ZNF385D: variants seen among roughly 807,000 people sequenced by gnomAD.
ZNF385D encodes zinc finger protein 659.
In ZNF385D, 15 loss-of-function variants were observed where a neutral mutation model predicts 35.8. The observed-to-expected ratio is 0.42, with a 90% confidence interval of 0.28 to 0.64. ZNF385D has a LOEUF of 0.64. ZNF385D is among the 30% of genes least tolerant of loss of function. The pLI, the probability that ZNF385D is intolerant of heterozygous loss-of-function variation, is 0.23. For synonymous variants in ZNF385D, 212 were observed against 186.8 expected, an observed-to-expected ratio of 1.13 and a Z score of -1.10; for missense variants, 474 against 494.6, an observed-to-expected ratio of 0.96 and a Z score of 0.39.
chr3:22,240,697 C>G (rs1251082770), intron 2 of ZNF385D, among the ~76,000 whole-genome samples: 1 of 150,974 alleles, frequency 6.6e-6, no homozygotes, highest in Non-Finnish European at 1.5e-5. Context: ...ACATCCTTGT[C>G]AGGCAAAGGA....
chr3:21,644,717 T>G (rs565927489), intron 2 of ZNF385D, among the ~76,000 whole-genome samples: 1 of 152,238 alleles, frequency 6.6e-6, no homozygotes, highest in African/African-American at 2.4e-5. Context: ...ATAATAGACA[T>G]TAAGTTCGGT....
At chr3:22,340,710 T>C (rs955573036) in intron 2 of ZNF385D, among the ~76,000 whole-genome samples, 1 of 152,126 alleles carries the variant, frequency 6.6e-6, no homozygotes, top group Non-Finnish European at 1.5e-5. Context: ...TACAAGTACA[T>C]GATAGGACCC....
At chr3:22,119,429 T>A (rs1181462641) in intron 3 of ZNF385D, among the ~76,000 whole-genome samples, 2 of 152,140 alleles carry the variant, frequency 1.3e-5, no homozygotes, top group Non-Finnish European at 2.9e-5. Flanking sequence ...TAGACATAAT[T>A]TGTTGGGGGG....
chr3:21,453,276 T>G (rs185705780), intron 4 of ZNF385D, among the ~76,000 whole-genome samples: 2 of 151,942 alleles, frequency 1.3e-5, no homozygotes, highest in Non-Finnish European at 2.9e-5. Flanking sequence ...TAGAAAGAAC[T>G]ATAGGAATAA....
rs192980657 is a variant in ZNF385D, at chr3:21,757,668, A to G, written c.326-92640T>C. On this transcript the variant is annotated intron_variant, in intron 3 of 5. Coordinates refer to the ZNF385D transcript ENST00000494108. ...TGAAATTACAGACACCTCTGTATAC[A>G]TGGAGCTTACATTCTAGAATTCTTT... Among the ~76,000 whole-genome samples, 402 of 152,334 alleles carry G rather than the reference A, an allele frequency of 2.6e-3. 4 individuals carry two copies. The South Asian group carries it at 0.032, about 12-fold the overall frequency.
At chr3:21,606,937 C>T (rs900552485) in intron 2 of ZNF385D, among the ~76,000 whole-genome samples, 1 of 152,174 alleles carries the variant, frequency 6.6e-6, no homozygotes, top group Non-Finnish European at 1.5e-5. Context: ...TGTTTGGGGG[C>T]AGTGGGATAT....
intron 2 of ZNF385D, among the ~76,000 whole-genome samples, chr3:22,256,917 T>G (rs1200791419): frequency 6.6e-6 from 1 of 151,844 alleles, no homozygotes; most frequent in East Asian, 1.9e-4. Flanking sequence ...AGTTAAATAA[T>G]TAGTTCATAA....
At chr3:21,751,735 T>C (rs2070098068), upstream of ZNF385D, among the ~76,000 whole-genome samples, 1 of 152,040 alleles carries the variant, frequency 6.6e-6, no homozygotes, top group Non-Finnish European at 1.5e-5. Flanking sequence ...AGCTAGTACT[T>C]GGTGAAGTGT....
intron 3 of ZNF385D, among the ~76,000 whole-genome samples, chr3:21,992,125 T>A (rs903574379): frequency 3.3e-5 from 5 of 152,184 alleles, no homozygotes; most frequent in Admixed American, 3.3e-4. Context: ...ATCAGTACAT[T>A]ATATTGTTAT....
chr3:22,004,505 T>C (rs1386296023), intron 3 of ZNF385D, among the ~76,000 whole-genome samples: 3 of 152,200 alleles, frequency 2.0e-5, no homozygotes, highest in African/African-American at 4.8e-5. Context: ...ACCTGTGGAA[T>C]AGGAGAAAGT....
At chr3:22,324,114 A>C (rs1694567921) in intron 2 of ZNF385D, among the ~76,000 whole-genome samples, 2 of 152,188 alleles carry the variant, frequency 1.3e-5, no homozygotes, top group Non-Finnish European at 2.9e-5. Flanking sequence ...CGGGGAAAGG[A>C]ATAGATGGAT....
intron 3 of ZNF385D, among the ~76,000 whole-genome samples, chr3:22,151,965 G>A (rs945807122): frequency 3.3e-5 from 5 of 152,120 alleles, no homozygotes; most frequent in African/African-American, 4.8e-5. Flanking sequence ...ACTAAGCCTA[G>A]TACTCAGTAG....
chr3:21,951,723 C>A (rs1425466350), intron 3 of ZNF385D, among the ~76,000 whole-genome samples: 1 of 151,558 alleles, frequency 6.6e-6, no homozygotes, highest in African/African-American at 2.4e-5. Context: ...CCTACTTTTA[C>A]TATACATACT....
rs113101913 is a variant in ZNF385D at position 21,420,788 on chromosome 3, CT to C, written c.*425del. 1.8e-4 allele frequency: 28 copies of C among 156,194 alleles called. No homozygotes were observed. The highest frequency in any genetic ancestry group is 3.8e-4 in the East Asian group (2 of 5,248). 9.7% of individuals were successfully genotyped at this position (156,194 alleles called of 1,614,324 possible). ...TGTTGCTTTTGTTTTTGTTTTTTTC[CT>C]TTTTTTTTGTACGATTTTAATCTAC... On this transcript the variant is annotated 3_prime_UTR_variant, in exon 8 of 8. Transcript: ENST00000281523.
chr3:22,037,304 T>C (rs1698387406), intron 3 of ZNF385D, among the ~76,000 whole-genome samples: 1 of 144,394 alleles, frequency 6.9e-6, no homozygotes, highest in Non-Finnish European at 1.5e-5. Context: ...TCCACAATGG[T>C]TGAACTAGTT....
At chr3:22,309,853 A>G (rs1171051373) in intron 2 of ZNF385D, among the ~76,000 whole-genome samples, 3 of 151,998 alleles carry the variant, frequency 2.0e-5, no homozygotes, top group Non-Finnish European at 4.4e-5. Context: ...CCAAGATAAA[A>G]AGGTAACAAT....
chr3:22,249,540 A>C (rs575313324), intron 2 of ZNF385D, among the ~76,000 whole-genome samples: 124 of 152,332 alleles, frequency 8.1e-4, no homozygotes, highest in Non-Finnish European at 1.5e-3. Flanking sequence ...TTATGTAAAC[A>C]GAACAGTGCA....
intron 3 of ZNF385D, among the ~76,000 whole-genome samples, chr3:22,039,751 A>C (rs891576287): frequency 2.6e-5 from 4 of 152,162 alleles, no homozygotes; most frequent in African/African-American, 9.7e-5. Context: ...ACTATTGCTT[A>C]AAAAAGAGTT....
intron 3 of ZNF385D, among the ~76,000 whole-genome samples, chr3:22,064,779 G>T (rs1055322455): frequency 2.0e-5 from 3 of 152,176 alleles, no homozygotes; most frequent in African/African-American, 7.2e-5. Flanking sequence ...AGAGTCTTGG[G>T]CAGAGTCCTG....
Sources: gnomAD v4.1 joint callset for allele counts (sites outside exome capture counted in the v4.1 genomes callset) on GRCh38, gnomAD v4.1.1 for gene constraint, MANE v1.5 for transcripts, NCBI Gene and HGNC (gene_info 2026-07-23, HGNC 2026-07-21) for gene names.